The following ACVR1B variants were observed in gnomAD, a reference collection of about 807,000 sequenced individuals.
ACVR1B encodes the protein activin A receptor type 1B.
In ACVR1B, 15 loss-of-function variants were observed where a neutral mutation model predicts 55.6. That is an observed-to-expected ratio of 0.27 (90% CI 0.18 to 0.42). The LOEUF (loss-of-function observed/expected upper bound fraction) is 0.42. ACVR1B is among the 10% of genes least tolerant of loss of function. The pLI, the probability that ACVR1B is intolerant of heterozygous loss-of-function variation, is 1.00. For missense variants in ACVR1B, 359 were observed against 670.1 expected (o/e 0.54, Z 5.13); for synonymous variants, 247 against 254.6 (o/e 0.97, Z 0.28).
chr12:51,983,247 C>A (rs1240876379), intron 4 of ACVR1B, among the ~76,000 whole-genome samples: 1 of 152,184 alleles, frequency 6.6e-6, no homozygotes, highest in Non-Finnish European at 1.5e-5. Flanking sequence ...TTTGGTGTTT[C>A]TTTTTCTCCC....
chr12:51,974,688 G>A (rs995587899), intron 1 of ACVR1B, among the ~76,000 whole-genome samples: 8 of 152,152 alleles, frequency 5.3e-5, no homozygotes, highest in African/African-American at 1.9e-4. Flanking sequence ...TTTGCCCCTC[G>A]TGAATGAGAG....
chr12:51,993,762 T>C (rs1343446419), intron 8 of ACVR1B, among the ~76,000 whole-genome samples: 8 of 77,108 alleles, frequency 1.0e-4, no homozygotes, highest in Non-Finnish European at 1.8e-4. Context: ...GTGAGACTCC[T>C]TCTAAAAAAA....
At chr12:51,971,112 C>G (rs1405155289) in intron 1 of ACVR1B, among the ~76,000 whole-genome samples, 1 of 152,172 alleles carries the variant, frequency 6.6e-6, no homozygotes, top group African/African-American at 2.4e-5. Context: ...CATGGTGTCA[C>G]TGAGTGGCCT....
At chr12:51,973,903 T>A (rs1296073804) in intron 1 of ACVR1B, among the ~76,000 whole-genome samples, 1 of 152,190 alleles carries the variant, frequency 6.6e-6, no homozygotes, top group Non-Finnish European at 1.5e-5. Context: ...ATAGAAAGCC[T>A]AAGGAAGGAG....
Position 51,976,397 on chromosome 12 carries a change from G to A in ACVR1B, c.402G>A (p.Pro134=), listed in dbSNP as rs115556161. Residue 134 remains proline, a synonymous_variant, in exon 3 of 9, where the codon CCG becomes CCA. Coordinates refer to ENST00000257963, the MANE Select transcript of ACVR1B (RefSeq NM_004302.5). ...AGCTGGTAGGCATCATCGCCGGCCC[G>A]GTGTTCCTCCTGTTCCTCATCATCA... ...PVELVGIIAG[P]VFLLFLIIII... 1,509 of 1,614,112 alleles carry A rather than the reference G, an allele frequency of 9.3e-4. 6 individuals carry two copies. The African/African-American group carries it at 0.017, about 18-fold the overall frequency.
intron 1 of ACVR1B, among the ~76,000 whole-genome samples, chr12:51,952,647 CT>C (rs994004947): frequency 2.3e-4 from 35 of 152,298 alleles, no homozygotes; most frequent in Non-Finnish European, 3.8e-4. Context: ...CTCCCCCACC[CT>C]ACCCCGGGGG....
chr12:51,954,915 G>T (rs1247937754), intron 1 of ACVR1B, among the ~76,000 whole-genome samples: 1 of 152,220 alleles, frequency 6.6e-6, no homozygotes, highest in South Asian at 2.1e-4. Context: ...GTGATTGATA[G>T]ACGTACAGCA....
At position 51,951,706 on chromosome 12, in the gene ACVR1B, G is replaced by C; in HGVS notation, c.-38G>C. 9.3e-7 allele frequency: 1 copy of C among 1,077,008 alleles called. No homozygotes were observed. The highest frequency in any genetic ancestry group is 4.8e-5 in the South Asian group (1 of 20,798). The allele number at this position is 1,077,008 out of a possible 1,614,324, so 66.7% of individuals were successfully genotyped here. ...GGCGCGCGCGCGCGCGCTGGGCGCTGCTGGGCTGCGGCGGCGGCGGCGGCG... is the reference window on the plus strand; with the variant it reads ...GGCGCGCGCGCGCGCGCTGGGCGCTCCTGGGCTGCGGCGGCGGCGGCGGCG... On this transcript the variant is annotated 5_prime_UTR_variant, in exon 1 of 9. Coordinates refer to ENST00000257963, the MANE Select transcript of ACVR1B (RefSeq NM_004302.5).
rs1441790778 is a variant in ACVR1B, at chr12:51,975,288, T to A, written c.115T>A (p.Cys39Ser). ...AGCTCTGCTGTGTGCGTGCACCAGC[T>A]GCCTCCAGGCCAACTACACGTGTGA... ...VQALLCACTS[C>S]LQANYTCETD... The change falls in exon 2 of 9, where the codon TGC (cysteine) becomes AGC (serine). Residue 39 changes from cysteine (C) to serine (S), a missense_variant. Transcript: ENST00000257963. 1 of 1,613,310 alleles carries A rather than the reference T, an allele frequency of 6.2e-7. No individual in the cohort carries two copies. The highest frequency in any genetic ancestry group is 1.3e-5 in the African/African-American group (1 of 74,934).
At chr12:51,966,004 T>C (rs547147468) in intron 1 of ACVR1B, among the ~76,000 whole-genome samples, 2 of 149,722 alleles carry the variant, frequency 1.3e-5, no homozygotes, top group South Asian at 2.1e-4. Context: ...AGGAGGGGAG[T>C]GTGGAGATAG....
At chr12:51,993,855 GC>G in intron 8 of ACVR1B, 129 bp from the exon 9 acceptor site, 1 of 1,113,896 alleles carries the variant, frequency 9.0e-7, no homozygotes, top group East Asian at 3.3e-5. Flanking sequence ...CCTAAGGTCG[GC>G]CGCCGGGTGG....
At chr12:51,983,848 A>G in intron 4 of ACVR1B, 151 bp from the exon 5 acceptor site, 1 of 730,074 alleles carries the variant, frequency 1.4e-6, no homozygotes, top group East Asian at 2.7e-5. Context: ...AAATGAAAGG[A>G]TGCTAGATGG....
At chr12:51,965,220 C>T (rs1238520243) in intron 1 of ACVR1B, among the ~76,000 whole-genome samples, 1 of 152,058 alleles carries the variant, frequency 6.6e-6, no homozygotes, top group African/African-American at 2.4e-5. Flanking sequence ...TAGTAATTAT[C>T]TCTGGGGCAG....
intron 1 of ACVR1B, among the ~76,000 whole-genome samples, chr12:51,964,895 C>G (rs1941610437): frequency 1.3e-5 from 2 of 151,922 alleles, no homozygotes; most frequent in Non-Finnish European, 2.9e-5. Flanking sequence ...TATGAGTCCT[C>G]CAACTTTATT....
chr12:51,986,294 T>C (rs749029081), intron 6 of ACVR1B, among the ~76,000 whole-genome samples: 9 of 152,216 alleles, frequency 5.9e-5, no homozygotes, highest in Non-Finnish European at 5.9e-5. Context: ...GTTTCGCTCT[T>C]GTTGCCCAAG....
Position 51,981,078 on chromosome 12 carries a change from T to TG in ACVR1B, c.691dup (p.Val231GlyfsTer10). 1.2e-6 allele frequency: 2 copies of TG among 1,614,084 alleles called. No homozygotes were observed. Among genetic ancestry groups the TG allele is most frequent in the Non-Finnish European group, 1.7e-6 (2 of 1,179,996 alleles). On this transcript the variant is annotated frameshift_variant, in exon 4 of 9. Coordinates refer to ENST00000257963, the MANE Select transcript of ACVR1B (RefSeq NM_004302.5). LOFTEE classifies it high-confidence loss of function. The stretch of plus-strand genomic sequence containing the variant: ...GGCGGGGCCGCTGGAGGGGTGGTGA[T>TG]GTGGCTGTGAAAATATTCTCTTCTC...
Position 51,980,980 on chromosome 12 carries a change from T to A in ACVR1B, c.592T>A (p.Phe198Ile). 6.2e-7 allele frequency: 1 copy of A among 1,608,638 alleles called. No individual in the cohort carries two copies. Among genetic ancestry groups the A allele is most frequent in the Non-Finnish European group, 8.5e-7 (1 of 1,176,348 alleles). The change falls in exon 4 of 9, where the codon TTT becomes ATT. Residue 198 changes from phenylalanine to isoleucine, a missense_variant. By Grantham distance (21) the Phe-to-Ile change is conservative (BLOSUM62 0). Around this residue, in one of 5 missense-constraint regions of ACVR1B, gnomAD observed 119 missense variants for 340.2 expected, o/e 0.35. Coordinates refer to ENST00000257963, the MANE Select transcript of ACVR1B (RefSeq NM_004302.5). ...TSGSGSGLPL[F>I]VQRTVARTIV... ...TCTTTGGTTCACAGGGTTACCCCTC[T>A]TTGTCCAGCGCACAGTGGCCCGAAC...
intron 1 of ACVR1B, among the ~76,000 whole-genome samples, chr12:51,972,739 A>G (rs1044494226): frequency 2.0e-5 from 3 of 152,178 alleles, no homozygotes; most frequent in African/African-American, 7.2e-5. Context: ...TTTCAGGGGT[A>G]TGGGCAGCGG....
At chr12:51,989,445 G>T (rs4761842) in intron 7 of ACVR1B, among the ~76,000 whole-genome samples, 2 of 151,164 alleles carry the variant, frequency 1.3e-5, no homozygotes, top group East Asian at 2.0e-4. Flanking sequence ...CCACCACTGC[G>T]GGCTGATTTT....
Sources: gnomAD v4.1 joint callset for allele counts (sites outside exome capture counted in the v4.1 genomes callset) on GRCh38, gnomAD v4.1.1 for gene constraint, gnomAD v4.1.1 regional missense constraint, MANE v1.5 for transcripts, NCBI Gene and HGNC (gene_info 2026-07-23, HGNC 2026-07-21) for gene names.